The following LRRC28 variants were observed in gnomAD, a reference collection of about 807,000 sequenced individuals.
LRRC28 encodes the protein leucine-rich repeat-containing protein 28.
Under a neutral mutation model 45.7 loss-of-function variants are expected in LRRC28, and 39 were observed. The ratio of observed to expected loss-of-function variants is 0.85; its 90% CI spans 0.66 to 1.12. LRRC28 has a LOEUF of 1.12. LRRC28 is among the 50% of genes most tolerant of loss of function. The pLI is 0.00. For synonymous variants in LRRC28, 206 were observed against 178.8 expected (o/e 1.15, Z -1.22); for missense variants, 435 against 438.5 (o/e 0.99, Z 0.07).
chr15:99,346,542 A>C (rs1956688626), intron 6 of LRRC28, among the ~76,000 whole-genome samples: 1 of 152,250 alleles, frequency 6.6e-6, no homozygotes, highest in South Asian at 2.1e-4. Context: ...GTGTTGAGAC[A>C]TTTGAAGCCT....
intron 7 of LRRC28, among the ~76,000 whole-genome samples, chr15:99,357,959 A>G (rs190991441): frequency 2.0e-4 from 31 of 152,250 alleles, no homozygotes; most frequent in African/African-American, 6.3e-4. Flanking sequence ...TGTCTAATGC[A>G]ATAAGATGGA....
chr15:99,291,810 A>G (rs2082129298), intron 5 of LRRC28, among the ~76,000 whole-genome samples: 1 of 152,242 alleles, frequency 6.6e-6, no homozygotes, highest in South Asian at 2.1e-4. Context: ...TGAGAGGTGC[A>G]GTTACTCCAC....
At chr15:99,356,764 T>C (rs1957058777) in intron 7 of LRRC28, among the ~76,000 whole-genome samples, 2 of 152,164 alleles carry the variant, frequency 1.3e-5, no homozygotes, top group African/African-American at 2.4e-5. Context: ...AGCTGATGGG[T>C]ACAAAAGATA....
chr15:99,269,258 A>G (rs772654066), intron 2 of LRRC28, among the ~76,000 whole-genome samples: 2 of 152,246 alleles, frequency 1.3e-5, no homozygotes, highest in Admixed American at 6.5e-5. Context: ...ACTTTCATTT[A>G]TTTCTAAGAA....
chr15:99,310,541 A>T (rs548277732), intron 5 of LRRC28, among the ~76,000 whole-genome samples: 3 of 152,344 alleles, frequency 2.0e-5, no homozygotes, highest in African/African-American at 7.2e-5. Flanking sequence ...TGAAATTGGA[A>T]GGGTGTAACC....
At chr15:99,360,598 G>A (rs1957173407) in intron 7 of LRRC28, among the ~76,000 whole-genome samples, 1 of 152,204 alleles carries the variant, frequency 6.6e-6, no homozygotes, top group Non-Finnish European at 1.5e-5. Context: ...CAAGGTTAGT[G>A]ATATTATTTC....
intron 1 of LRRC28, among the ~76,000 whole-genome samples, chr15:99,253,842 T>A (rs540701227): frequency 1.1e-4 from 16 of 152,152 alleles, no homozygotes; most frequent in South Asian, 1.0e-3. Flanking sequence ...GGATTTGAGA[T>A]GTATTTGGGA....
chr15:99,352,218 T>A (rs958236007), intron 6 of LRRC28, 151 bp from the exon 7 acceptor site: 7 of 604,348 alleles, frequency 1.2e-5, no homozygotes, highest in Non-Finnish European at 1.7e-5. Flanking sequence ...TTGTTTAGGC[T>A]GACCCATAAC....
At chr15:99,265,844 A>C (rs1286116424) in intron 2 of LRRC28, among the ~76,000 whole-genome samples, 1 of 152,176 alleles carries the variant, frequency 6.6e-6, no homozygotes. Flanking sequence ...GGAAAACATA[A>C]AATCTCAACC....
At position 99,301,840 on chromosome 15, in the gene LRRC28, T is replaced by C. The variant is rs536300164; in HGVS notation, c.385+13889T>C. On this transcript the variant is annotated intron_variant, in intron 5 of 9. Transcript: ENST00000301981. ...ATCAGAAACATATGTAAAATTATGA[T>C]ATATAATGGTATGACAAGAAAGAGA... Among the ~76,000 whole-genome samples the C allele has an allele frequency of 3.9e-5, 6 of 152,282 alleles. No individual in the cohort carries two copies. In the South Asian group the frequency reaches 1.2e-3, roughly 32 times the overall value.
intron 5 of LRRC28, among the ~76,000 whole-genome samples, chr15:99,316,568 A>G (rs947764557): frequency 8.5e-5 from 13 of 152,174 alleles, no homozygotes; most frequent in African/African-American, 3.1e-4. Context: ...AGGAACTTTT[A>G]AATTCTATTA....
At chr15:99,338,454 A>G (rs777083106) in intron 6 of LRRC28, 2 of 152,120 alleles carry the variant, frequency 1.3e-5, no homozygotes, top group Non-Finnish European at 2.9e-5. Flanking sequence ...GTTTGGAAAT[A>G]CTCTGCACAT....
At chr15:99,282,924 G>A (rs376168727) in intron 3 of LRRC28, among the ~76,000 whole-genome samples, 3 of 151,744 alleles carry the variant, frequency 2.0e-5, no homozygotes, top group Admixed American at 2.0e-4. Flanking sequence ...ATGGAATTTC[G>A]CTCTTGTCGC....
chr15:99,304,448 C>G (rs1365715116), intron 5 of LRRC28, among the ~76,000 whole-genome samples: 1 of 148,722 alleles, frequency 6.7e-6, no homozygotes, highest in East Asian at 2.0e-4. Flanking sequence ...CTTTTTTTTT[C>G]AAGACAGGGT....
chr15:99,374,520 A>G (rs922049183), intron 9 of LRRC28, among the ~76,000 whole-genome samples: 1 of 152,214 alleles, frequency 6.6e-6, no homozygotes, highest in Non-Finnish European at 1.5e-5. Context: ...TTTTCTGCAT[A>G]GAAAATCATG....
chr15:99,361,991 A>G (rs1957217792), intron 8 of LRRC28, among the ~76,000 whole-genome samples: 1 of 152,134 alleles, frequency 6.6e-6, no homozygotes, highest in Non-Finnish European at 1.5e-5. Context: ...CAATATGTAG[A>G]CCTAAAGGAG....
chr15:99,331,388 T>C (rs1406615322), intron 5 of LRRC28, among the ~76,000 whole-genome samples: 1 of 152,196 alleles, frequency 6.6e-6, no homozygotes, highest in Non-Finnish European at 1.5e-5. Context: ...GTCTTTGACT[T>C]ATTCCTATTT....
intron 5 of LRRC28, among the ~76,000 whole-genome samples, chr15:99,307,042 G>T (rs1726642926): frequency 6.6e-6 from 1 of 152,140 alleles, no homozygotes; most frequent in African/African-American, 2.4e-5. Flanking sequence ...TGTCAGAATG[G>T]GGCCAGCTGT....
intron 5 of LRRC28, among the ~76,000 whole-genome samples, chr15:99,288,413 T>A (rs556110814): frequency 1.5e-5 from 2 of 129,500 alleles, no homozygotes; most frequent in African/African-American, 6.0e-5. Flanking sequence ...GATAGAGTCT[T>A]GCCCTGTCGT....
Sources: allele counts gnomAD v4.1 joint callset (sites outside exome capture counted in the v4.1 genomes callset), GRCh38; gene constraint gnomAD v4.1.1; transcripts MANE v1.5; gene names NCBI Gene and HGNC (gene_info 2026-07-23, HGNC 2026-07-21).